Variants in PDE12 observed in about 807,000 individuals in gnomAD.
The protein encoded by PDE12 is phosphodiesterase 12.
PDE12 carries 26 observed loss-of-function variants against 45.4 expected under a neutral mutation model. The observed-to-expected ratio is 0.57, with a 90% confidence interval of 0.42 to 0.79. The LOEUF (loss-of-function observed/expected upper bound fraction) is 0.79, where lower values mean the gene tolerates loss of function less well. Ranked by LOEUF, PDE12 falls within the 30% of genes least tolerant of loss-of-function variation. The probability of loss-of-function intolerance (pLI) is 0.00; values close to 1 mark genes in which losing one functional copy is unlikely to be tolerated. For missense variants in PDE12, 668 were observed against 790.0 expected, an observed-to-expected ratio of 0.85 and a Z score of 1.85; for synonymous variants, 283 against 323.9, an observed-to-expected ratio of 0.87 and a Z score of 1.36.
the PDE12 span, among the ~76,000 whole-genome samples, chr3:57,617,212 C>G: frequency 6.6e-6 from 1 of 152,068 alleles, no homozygotes; most frequent in Non-Finnish European, 1.5e-5. Context: ...CGAGACCAGC[C>G]TGGGCAACAC....
the PDE12 span, among the ~76,000 whole-genome samples, chr3:57,622,153 G>A: frequency 6.6e-6 from 1 of 152,182 alleles, no homozygotes; most frequent in African/African-American, 2.4e-5. Context: ...TCCAGCCTGC[G>A]CAACAGAGTG....
At chr3:57,652,495 T>C in the PDE12 span, among the ~76,000 whole-genome samples, 1 of 152,344 alleles carries the variant, frequency 6.6e-6, no homozygotes, top group African/African-American at 2.4e-5. Flanking sequence ...ACTACCCACC[T>C]AAGCAGCTCC....
the PDE12 span, chr3:57,577,264 T>G: frequency 6.8e-7 from 1 of 1,460,446 alleles, no homozygotes. Flanking sequence ...ACCACCAGTT[T>G]AATCCAGAAA....
the PDE12 span, among the ~76,000 whole-genome samples, chr3:57,605,080 C>T: frequency 6.6e-6 from 1 of 152,130 alleles, no homozygotes. Context: ...TACCAGGCAT[C>T]AAAGGACAAT....
downstream of PDE12, among the ~76,000 whole-genome samples, chr3:57,569,377 G>A (rs765431146): frequency 5.9e-5 from 9 of 152,100 alleles, no homozygotes; most frequent in South Asian, 8.3e-4. Context: ...ATTTTGAGAC[G>A]GAGTTTCACT....
Position 57,559,938 on chromosome 3 carries a change from G to A in PDE12, c.1764G>A (p.Gln588=), listed in dbSNP as rs779936594. 1.9e-6 allele frequency: 3 copies of A among 1,613,382 alleles called. No homozygotes were observed. The highest frequency in any genetic ancestry group is 4.5e-5 in the East Asian group (2 of 44,878). The change falls in exon 3 of 3, where the codon CAG becomes CAA. Residue 588 remains glutamine (Q), a synonymous_variant. Coordinates refer to ENST00000311180, the MANE Select transcript of PDE12 (RefSeq NM_177966.7). ...GTCATGAAGAAGTTACCACCCACCA[G>A]GCCTTACCTAGTGTTTCCCATCCCT... ...LPSHEEVTTH[Q]ALPSVSHPSD... is the part of the protein sequence containing the mutation.
At chr3:57,633,391 G>A in the PDE12 span, 2 of 1,512,674 alleles carry the variant, frequency 1.3e-6, no homozygotes, top group Non-Finnish European at 1.8e-6. Flanking sequence ...GTATTCTAGT[G>A]TTGGAATATA....
the PDE12 span, among the ~76,000 whole-genome samples, chr3:57,648,792 G>A: frequency 6.6e-6 from 1 of 152,158 alleles, no homozygotes; most frequent in East Asian, 1.9e-4. Context: ...AACAAATGGT[G>A]CTGAGATAAT....
the PDE12 span, among the ~76,000 whole-genome samples, chr3:57,580,644 A>T: frequency 1.3e-5 from 2 of 151,968 alleles, no homozygotes; most frequent in Admixed American, 1.3e-4. Context: ...TCCTCGTATC[A>T]TGGCCTCCCA....
Position 57,556,285 on chromosome 3 carries a change from A to G in PDE12, c.-95A>G. 1 of 1,303,438 alleles carries G rather than the reference A, an allele frequency of 7.7e-7. No individual in the cohort carries two copies. Among genetic ancestry groups the G allele is most frequent in the East Asian group, 2.5e-5 (1 of 39,344 alleles). 80.7% of individuals were successfully genotyped at this position (1,303,438 alleles called of 1,614,324 possible). A position where few individuals can be genotyped will look rare whatever the true frequency, so the allele number is the denominator to read the frequency against. On this transcript the variant is annotated 5_prime_UTR_variant, in exon 1 of 3. The change abolishes an upstream ATG in the 5' untranslated region. Coordinates refer to ENST00000311180, the MANE Select transcript of PDE12 (RefSeq NM_177966.7). The surrounding 1 kb of genome is among the most constrained non-coding windows in gnomAD (Gnocchi z 5.0). Reference sequence around the variant, plus strand: ...GCTAGCCGGAAGTCGCGAGATCTGAATGAGTCAAAGCCGGCGGCCTCGGCT... The same window carrying G: ...GCTAGCCGGAAGTCGCGAGATCTGAGTGAGTCAAAGCCGGCGGCCTCGGCT...
At chr3:57,566,873 G>C (rs1232089118), downstream of PDE12, 1 of 152,014 alleles carries the variant, frequency 6.6e-6, no homozygotes, top group Non-Finnish European at 1.5e-5. Context: ...AGGACCATCC[G>C]GGAGGCAAAT....
chr3:57,582,396 C>T, the PDE12 span, among the ~76,000 whole-genome samples: 56 of 151,234 alleles, frequency 3.7e-4, no homozygotes, highest in African/African-American at 1.3e-3. Flanking sequence ...GTGCGCGCCA[C>T]CACGCCCGGC....
the PDE12 span, chr3:57,630,709 A>T: frequency 6.2e-7 from 1 of 1,609,694 alleles, no homozygotes; most frequent in Non-Finnish European, 8.5e-7. Flanking sequence ...GGGAAAAAAG[A>T]CTAACCGGTA....
the PDE12 span, among the ~76,000 whole-genome samples, chr3:57,636,773 C>T: frequency 1.3e-5 from 2 of 151,662 alleles, no homozygotes; most frequent in Non-Finnish European, 2.9e-5. Flanking sequence ...CCTGTCTCCA[C>T]TAAAAATACA....
chr3:57,616,761 T>G, the PDE12 span, among the ~76,000 whole-genome samples: 1 of 152,160 alleles, frequency 6.6e-6, no homozygotes, highest in African/African-American at 2.4e-5. Flanking sequence ...TGGTGGCTCA[T>G]GCCTGTAATC....
chr3:57,588,978 T>C, the PDE12 span, among the ~76,000 whole-genome samples: 4 of 152,252 alleles, frequency 2.6e-5, no homozygotes, highest in East Asian at 5.8e-4. Context: ...GGCACATGCC[T>C]GTAATCCCAG....
chr3:57,654,761 A>G, the PDE12 span: 1 of 985,300 alleles, frequency 1.0e-6, no homozygotes, highest in Admixed American at 6.1e-5. Context: ...ACTCAACTGT[A>G]TCTCTGCTAC....
At chr3:57,631,087 G>C in the PDE12 span, 1 of 890,304 alleles carries the variant, frequency 1.1e-6, no homozygotes. Flanking sequence ...CCTTTCAATG[G>C]ACAGCAACAA....
chr3:57,621,468 G>A, the PDE12 span, among the ~76,000 whole-genome samples: 1 of 151,882 alleles, frequency 6.6e-6, no homozygotes, highest in Non-Finnish European at 1.5e-5. Flanking sequence ...TCAGGAGTTG[G>A]AGACCAGCCT....
Sources: allele counts gnomAD v4.1 joint callset (sites outside exome capture counted in the v4.1 genomes callset), GRCh38; gene constraint gnomAD v4.1.1; non-coding constraint Gnocchi (gnomAD v3.1); transcripts MANE v1.5; gene names NCBI Gene and HGNC (gene_info 2026-07-23, HGNC 2026-07-21).